YAF2: variants seen among roughly 807,000 people sequenced by gnomAD.
The protein encoded by YAF2 is YY1-associated factor 2.
A neutral mutation model predicts 20.1 loss-of-function variants in YAF2; 7 were observed. The ratio of observed to expected loss-of-function variants is 0.35; its 90% CI spans 0.20 to 0.65. The LOEUF (loss-of-function observed/expected upper bound fraction) is 0.65, where lower values mean the gene tolerates loss of function less well. Ranked by LOEUF, YAF2 falls within the 30% of genes least tolerant of loss-of-function variation. The pLI is 0.69. For missense variants in YAF2, 151 were observed against 219.2 expected (o/e 0.69, Z 1.96); for synonymous variants, 74 against 76.0 (o/e 0.97, Z 0.14).
intron 2 of YAF2, among the ~76,000 whole-genome samples, chr12:42,178,834 A>G (rs1247860574): frequency 2.0e-5 from 3 of 152,140 alleles, no homozygotes; most frequent in Non-Finnish European, 4.4e-5. Flanking sequence ...GAACCACTTA[A>G]ATCAGTGGTG....
At chr12:42,163,099 T>A (rs2136953658) in intron 2 of YAF2, among the ~76,000 whole-genome samples, 1 of 152,244 alleles carries the variant, frequency 6.6e-6, no homozygotes, top group East Asian at 1.9e-4. Flanking sequence ...GGCCTTGAAG[T>A]AGAGCCCAAG....
intron 2 of YAF2, among the ~76,000 whole-genome samples, chr12:42,177,889 T>G (rs1395094403): frequency 6.6e-6 from 1 of 152,200 alleles, no homozygotes; most frequent in Non-Finnish European, 1.5e-5. Flanking sequence ...CTTCACTCCC[T>G]ACTCTATCCT....
intron 2 of YAF2, among the ~76,000 whole-genome samples, chr12:42,209,937 T>C (rs1204247713): frequency 6.6e-6 from 1 of 152,180 alleles, no homozygotes; most frequent in Non-Finnish European, 1.5e-5. Flanking sequence ...TAGCTGGGAT[T>C]ACAAGCATGC....
chr12:42,205,068 AC>A (rs2067002420), intron 2 of YAF2, among the ~76,000 whole-genome samples: 2 of 150,980 alleles, frequency 1.3e-5, no homozygotes, highest in Admixed American at 1.3e-4. Context: ...AAAAAAAAAA[AC>A]CACCTATTCC....
At chr12:42,197,045 T>C (rs1334177183) in intron 2 of YAF2, among the ~76,000 whole-genome samples, 2 of 152,250 alleles carry the variant, frequency 1.3e-5, no homozygotes, top group Non-Finnish European at 2.9e-5. Context: ...TTCATTGTCC[T>C]CAGTAAATGT....
At chr12:42,180,408 G>A (rs1379332376) in intron 2 of YAF2, among the ~76,000 whole-genome samples, 1 of 152,126 alleles carries the variant, frequency 6.6e-6, no homozygotes, top group Non-Finnish European at 1.5e-5. Flanking sequence ...GAGGTCAACA[G>A]CCACCTGAAT....
intron 2 of YAF2, chr12:42,235,650 T>C (rs1400259725): frequency 1.8e-5 from 28 of 1,515,502 alleles, no homozygotes; most frequent in Non-Finnish European, 8.8e-7. Flanking sequence ...TTCTGGTGAG[T>C]TGCCCAGAGC....
At chr12:42,179,338 C>T (rs903545856) in intron 2 of YAF2, among the ~76,000 whole-genome samples, 15 of 151,804 alleles carry the variant, frequency 9.9e-5, no homozygotes, top group Admixed American at 9.2e-4. Flanking sequence ...AGCTTGGTGG[C>T]GTGAGCCAGT....
At chr12:42,167,127 C>T (rs1190207430) in intron 2 of YAF2, among the ~76,000 whole-genome samples, 4 of 147,158 alleles carry the variant, frequency 2.7e-5, no homozygotes, top group African/African-American at 1.0e-4. Flanking sequence ...CATCACACAC[C>T]GGGGCCTGTT....
chr12:42,216,252 G>A (rs1315489384), intron 2 of YAF2, among the ~76,000 whole-genome samples: 1 of 152,102 alleles, frequency 6.6e-6, no homozygotes, highest in Non-Finnish European at 1.5e-5. Context: ...ATGAAAAGCT[G>A]AGGACAATCA....
intron 2 of YAF2, among the ~76,000 whole-genome samples, chr12:42,182,636 T>C (rs540433171): frequency 6.6e-6 from 1 of 152,344 alleles, no homozygotes; most frequent in East Asian, 1.9e-4. Flanking sequence ...CAGTATGTAA[T>C]TGGCAATCAA....
intron 2 of YAF2, among the ~76,000 whole-genome samples, chr12:42,203,576 A>T (rs1356152648): frequency 6.6e-6 from 1 of 152,158 alleles, no homozygotes. Context: ...TTCATAGTGT[A>T]AGAGTGGTTT....
intron 2 of YAF2, among the ~76,000 whole-genome samples, chr12:42,221,852 C>G (rs1404972512): frequency 6.6e-6 from 1 of 152,174 alleles, no homozygotes; most frequent in Non-Finnish European, 1.5e-5. Flanking sequence ...TTAATACAAG[C>G]CTCTCTACTT....
intron 2 of YAF2, among the ~76,000 whole-genome samples, chr12:42,180,397 TGA>T (rs2066312937): frequency 6.6e-6 from 1 of 152,134 alleles, no homozygotes; most frequent in Non-Finnish European, 1.5e-5. Flanking sequence ...AGCAAAGAAC[TGA>T]GGTCAACAGC....
intron 2 of YAF2, among the ~76,000 whole-genome samples, chr12:42,204,409 C>A (rs533262208): frequency 9.8e-4 from 150 of 152,296 alleles, no homozygotes; most frequent in Non-Finnish European, 1.4e-3. Flanking sequence ...TATGTACAGA[C>A]TTTTTTCCCT....
chr12:42,194,057 TATA>T (rs1287880644), intron 2 of YAF2, among the ~76,000 whole-genome samples: 2 of 152,230 alleles, frequency 1.3e-5, no homozygotes, highest in Non-Finnish European at 2.9e-5. Flanking sequence ...TGTACTGTTG[TATA>T]ATGAGTTTGC....
At chr12:42,197,747 A>T (rs77657503) in intron 2 of YAF2, among the ~76,000 whole-genome samples, 1,603 of 152,326 alleles carry the variant, frequency 0.011, 29 homozygotes, top group African/African-American at 0.037. Flanking sequence ...CAGACTCCAA[A>T]TAATCTTACC....
intron 2 of YAF2, chr12:42,172,316 A>G (rs1482909122): frequency 1.3e-5 from 2 of 152,248 alleles, no homozygotes; most frequent in Admixed American, 6.5e-5. Flanking sequence ...GTACAAAATT[A>G]TAAATTATTA....
intron 2 of YAF2, among the ~76,000 whole-genome samples, chr12:42,226,976 G>A (rs1030477375): frequency 6.7e-6 from 1 of 148,962 alleles, no homozygotes; most frequent in Non-Finnish European, 1.5e-5. Flanking sequence ...GCCCGGGGCA[G>A]TGCGGAGCCG....
Sources: gnomAD v4.1 joint callset for allele counts (sites outside exome capture counted in the v4.1 genomes callset) on GRCh38, gnomAD v4.1.1 for gene constraint, MANE v1.5 for transcripts, NCBI Gene and HGNC (gene_info 2026-07-23, HGNC 2026-07-21) for gene names.